The following KIAA2012 variants were observed in gnomAD, a reference collection of about 807,000 sequenced individuals.
KIAA2012 encodes the protein uncharacterized protein KIAA2012.
In KIAA2012, 125 loss-of-function variants were observed where a neutral mutation model predicts 150.6. The observed-to-expected ratio is 0.83, with a 90% CI of 0.72 to 0.96. The LOEUF is 0.96. KIAA2012 is among the 40% of genes least tolerant of loss of function. The pLI, the probability that KIAA2012 is intolerant of heterozygous loss-of-function variation, is 0.00. For missense variants in KIAA2012, 1,219 were observed against 1,354.9 expected, an observed-to-expected ratio of 0.90 and a Z score of 1.57; for synonymous variants, 462 against 504.7, an observed-to-expected ratio of 0.92 and a Z score of 1.13.
chr2:202,152,531 A>C (rs1437978339), intron 13 of KIAA2012, among the ~76,000 whole-genome samples: 1 of 152,192 alleles, frequency 6.6e-6, no homozygotes, highest in Non-Finnish European at 1.5e-5. Flanking sequence ...CCCTCAAATC[A>C]TTATCATCTG....
At chr2:202,160,538 C>A in intron 14 of KIAA2012, among the ~76,000 whole-genome samples, 1 of 152,118 alleles carries the variant, frequency 6.6e-6, no homozygotes, top group Non-Finnish European at 1.5e-5. Context: ...TGGTCTCGAT[C>A]TCCTGACCTC....
At chr2:202,197,224 A>AC in intron 22 of KIAA2012, 2 of 811,538 alleles carry the variant, frequency 2.5e-6, no homozygotes, top group Admixed American at 2.9e-5. Flanking sequence ...TAATGAATCT[A>AC]CAAGGGAGTT....
At chr2:202,092,882 T>G in intron 3 of KIAA2012, 148 bp from the exon 4 acceptor site, 1 of 677,462 alleles carries the variant, frequency 1.5e-6, no homozygotes, top group Non-Finnish European at 2.4e-6. Flanking sequence ...CTATCTGACT[T>G]TTTAATCTCC....
At chr2:202,132,832 C>G (rs1391555250) in intron 12 of KIAA2012, among the ~76,000 whole-genome samples, 1 of 131,882 alleles carries the variant, frequency 7.6e-6, no homozygotes, top group Non-Finnish European at 1.6e-5. Context: ...CACAGTGGCT[C>G]AAGCCTGTAA....
intron 15 of KIAA2012, among the ~76,000 whole-genome samples, chr2:202,183,468 TTTTTTA>T (rs1692162409): frequency 4.2e-5 from 5 of 117,730 alleles, no homozygotes; most frequent in African/African-American, 1.3e-4. Flanking sequence ...TTTTGGGGGG[TTTTTTA>T]AATTTTTTTT....
chr2:202,142,588 G>A lies in KIAA2012; in HGVS notation c.1908+4080G>A, dbSNP rs1691215671. On this transcript the variant is annotated intron_variant, in intron 13 of 23. Transcript: ENST00000498697. Reference sequence around the variant, plus strand: ...TTGTTAGTCCTGCAAAGGCAGTCTGGTTCACAAGTAGGAAGGGGACTTGTT... The same window carrying A: ...TTGTTAGTCCTGCAAAGGCAGTCTGATTCACAAGTAGGAAGGGGACTTGTT... Among the ~76,000 whole-genome samples, 5 of 152,204 alleles carry A rather than the reference G, an allele frequency of 3.3e-5. No individual in the cohort carries two copies. In the South Asian group the frequency reaches 1.0e-3, roughly 32 times the overall value.
At chr2:202,119,602 A>G (rs1424513415) in intron 11 of KIAA2012, among the ~76,000 whole-genome samples, 1 of 152,220 alleles carries the variant, frequency 6.6e-6, no homozygotes, top group Non-Finnish European at 1.5e-5. Context: ...TGGTCTAATT[A>G]TGTCCCTCCC....
chr2:202,125,146 C>A, intron 11 of KIAA2012, 68 bp from the exon 12 acceptor site: 1 of 1,245,618 alleles, frequency 8.0e-7, no homozygotes, highest in Non-Finnish European at 1.1e-6. Context: ...CCCCTGTCTT[C>A]GGATAAGGGA....
intron 8 of KIAA2012, among the ~76,000 whole-genome samples, chr2:202,103,896 C>T (rs192448893): frequency 6.6e-6 from 1 of 152,334 alleles, no homozygotes; most frequent in Admixed American, 6.5e-5. Flanking sequence ...GTTTAAGACA[C>T]ATTCTTGCTC....
Position 202,193,409 on chromosome 2 carries a change from G to C in KIAA2012, c.2920G>C (p.Glu974Gln). 1 of 1,550,440 alleles carries C rather than the reference G, an allele frequency of 6.4e-7. No individual in the cohort carries two copies. The highest frequency in any genetic ancestry group is 1.2e-5 in the South Asian group (1 of 84,048). The stretch of plus-strand genomic sequence containing the variant: ...GGAGAAGAAGAGAAGGGAGCAGGAA[G>C]AGCAAAGGCAGCTCCAGCAGGAGCA... ...EVEKKRREQE[E>Q]QRQLQQEQLE... The change falls in exon 20 of 24, where the codon GAG (glutamate) becomes CAG (glutamine). Residue 974 changes from glutamate to glutamine, a missense_variant. Coordinates refer to ENST00000498697, the MANE Select transcript of KIAA2012 (RefSeq NM_001277372.4).
chr2:202,149,393 C>A (rs1245773465), intron 13 of KIAA2012, among the ~76,000 whole-genome samples: 2 of 152,354 alleles, frequency 1.3e-5, no homozygotes, highest in African/African-American at 4.8e-5. Context: ...GCTCTTCAAA[C>A]GTTAAGATAA....
At chr2:202,163,873 C>A (rs1282670232) in intron 14 of KIAA2012, among the ~76,000 whole-genome samples, 1 of 138,074 alleles carries the variant, frequency 7.2e-6, no homozygotes, top group Non-Finnish European at 1.5e-5. Context: ...AAATTATTTA[C>A]CTGTGTTAGC....
chr2:202,132,801 TA>T (rs1449384696), intron 12 of KIAA2012, among the ~76,000 whole-genome samples: 25 of 82,262 alleles, frequency 3.0e-4, no homozygotes, highest in African/African-American at 8.1e-4. Context: ...TATATATATA[TA>T]TTTTTTTTTT....
intron 19 of KIAA2012, 76 bp from the exon 20 acceptor site, chr2:202,193,225 T>C (rs1692351985): frequency 2.2e-6 from 3 of 1,373,192 alleles, no homozygotes; most frequent in Non-Finnish European, 3.0e-6. Flanking sequence ...GAGACAACAC[T>C]GTCTGGGGTG....
At chr2:202,156,657 G>A (rs755535799) in intron 14 of KIAA2012, among the ~76,000 whole-genome samples, 27 of 152,234 alleles carry the variant, frequency 1.8e-4, no homozygotes, top group Non-Finnish European at 3.1e-4. Flanking sequence ...AGGCCAAGGC[G>A]GGCAGATCAC....
At chr2:202,077,560 G>A (rs1172588696) in intron 2 of KIAA2012, among the ~76,000 whole-genome samples, 1 of 152,180 alleles carries the variant, frequency 6.6e-6, no homozygotes, top group Non-Finnish European at 1.5e-5. Flanking sequence ...GAGGGAAATG[G>A]TGTGAAGAAA....
intron 18 of KIAA2012, among the ~76,000 whole-genome samples, chr2:202,189,663 G>A (rs1429682306): frequency 4.6e-5 from 7 of 152,208 alleles, no homozygotes; most frequent in East Asian, 1.9e-4. Flanking sequence ...TTTCTCAAAC[G>A]GTGGTGTGTG....
At chr2:202,146,152 T>C (rs771955657) in intron 13 of KIAA2012, among the ~76,000 whole-genome samples, 63 of 152,296 alleles carry the variant, frequency 4.1e-4, no homozygotes, top group Non-Finnish European at 5.3e-4. Flanking sequence ...CTTTCACACA[T>C]GAACCGCACT....
rs1341444839 is a variant in KIAA2012 at position 202,179,345 on chromosome 2, A to G, written c.2120-5408A>G. 5 of 1,020,116 alleles carry G rather than the reference A, an allele frequency of 4.9e-6. No individual in the cohort carries two copies. In the African/African-American group the frequency reaches 6.4e-5, roughly 13 times the overall value. The allele number at this position is 1,020,116 out of a possible 1,614,324, so 63.2% of individuals were successfully genotyped here. On this transcript the variant is annotated intron_variant, in intron 15 of 23. Transcript: ENST00000498697. Reference sequence around the variant, plus strand: ...GCTGACTACATTCAGCCCGTCTGATAAACTTGTCCGGATTGAATATGCTTT... The same window carrying G: ...GCTGACTACATTCAGCCCGTCTGATGAACTTGTCCGGATTGAATATGCTTT...
Sources: allele counts gnomAD v4.1 joint callset (sites outside exome capture counted in the v4.1 genomes callset), GRCh38; gene constraint gnomAD v4.1.1; transcripts MANE v1.5; gene names NCBI Gene and HGNC (gene_info 2026-07-23, HGNC 2026-07-21).